CLIP1: variants seen among roughly 807,000 people sequenced by gnomAD.
The protein encoded by CLIP1 is CAP-Gly domain containing linker protein 1, also known as CAP-Gly domain-containing linker protein 1.
A neutral mutation model predicts 161.6 loss-of-function variants in CLIP1; 66 were observed. The ratio of observed to expected loss-of-function variants is 0.41; its 90% CI spans 0.33 to 0.50. The LOEUF (loss-of-function observed/expected upper bound fraction) is 0.50. Ranked by LOEUF, CLIP1 falls within the 20% of genes least tolerant of loss-of-function variation. The probability of loss-of-function intolerance (pLI) is 0.27; values close to 1 mark genes in which losing one functional copy is unlikely to be tolerated. For synonymous variants in CLIP1, 598 were observed against 626.2 expected (o/e 0.96, Z 0.67); for missense variants, 1,376 against 1,702.0 (o/e 0.81, Z 3.37).
At chr12:122,376,911 G>C (rs944574163) in intron 3 of CLIP1, among the ~76,000 whole-genome samples, 1 of 151,972 alleles carries the variant, frequency 6.6e-6, no homozygotes, top group Non-Finnish European at 1.5e-5. Flanking sequence ...TTGTTGCGTA[G>C]TTACCCATAA....
intron 1 of CLIP1, among the ~76,000 whole-genome samples, chr12:122,397,553 CAAAAAAAAAAAAAAA>C (rs35589479): frequency 1.3e-4 from 9 of 66,858 alleles, no homozygotes; most frequent in Non-Finnish European, 1.8e-4. Flanking sequence ...ACTCCATCTC[CAAAAAAAAAAAAAAA>C]AAAAAAAAAA....
Position 122,319,238 on chromosome 12 carries a change from C to G in CLIP1, c.3360G>C (p.Gln1120His). Residue 1120 changes from glutamine to histidine, a missense_variant, in exon 18 of 26, where the codon CAG (glutamine) becomes CAC (histidine). Physicochemically the swap from Gln to His is conservative, Grantham distance 24. Coordinates refer to ENST00000620786, the MANE Select transcript of CLIP1 (RefSeq NM_001247997.2). ...GCTATTTAAATCTGATTACTTCATT[C>G]TGTAGTTTTGCATTTGTTTGCTTGG... ...EDTKQTNAKL[Q>H]NELDTLKENN... 1.9e-6 allele frequency: 3 copies of G among 1,599,872 alleles called. No homozygotes were observed. Among genetic ancestry groups the G allele is most frequent in the Non-Finnish European group, 2.6e-6 (3 of 1,166,998 alleles).
chr12:122,357,512 G>T (rs1232766627), intron 5 of CLIP1, among the ~76,000 whole-genome samples: 1 of 151,204 alleles, frequency 6.6e-6, no homozygotes, highest in African/African-American at 2.4e-5. Flanking sequence ...GAGGTGGGGG[G>T]GGTCAGCCCG....
intron 20 of CLIP1, among the ~76,000 whole-genome samples, chr12:122,299,633 G>A (rs1471657504): frequency 0.017 from 904 of 53,554 alleles, 2 homozygotes; most frequent in East Asian, 0.05. Context: ...AAAAAAAAAA[G>A]ATGCCGGGCG....
At chr12:122,300,396 A>T (rs1277837876) in intron 20 of CLIP1, among the ~76,000 whole-genome samples, 1 of 152,226 alleles carries the variant, frequency 6.6e-6, no homozygotes, top group Non-Finnish European at 1.5e-5. Flanking sequence ...CAGGAGAGAG[A>T]ATAAATCGAA....
intron 1 of CLIP1, among the ~76,000 whole-genome samples, chr12:122,389,873 G>C (rs1385739503): frequency 6.6e-6 from 1 of 150,910 alleles, no homozygotes; most frequent in Non-Finnish European, 1.5e-5. Flanking sequence ...GTGCTGGAGG[G>C]GGGGCCCGGT....
At chr12:122,363,059 A>G (rs1454476272) in intron 4 of CLIP1, among the ~76,000 whole-genome samples, 1 of 152,220 alleles carries the variant, frequency 6.6e-6, no homozygotes, top group Non-Finnish European at 1.5e-5. Context: ...TTTAATAATC[A>G]AGTGATGCAT....
chr12:122,284,413 C>T (rs1391033004), intron 21 of CLIP1, among the ~76,000 whole-genome samples: 7 of 151,082 alleles, frequency 4.6e-5, no homozygotes, highest in East Asian at 1.9e-4. Context: ...AGTGCAATGG[C>T]GCGATCTCGG....
chr12:122,375,991 T>C (rs919336050), intron 3 of CLIP1, among the ~76,000 whole-genome samples: 1 of 151,944 alleles, frequency 6.6e-6, no homozygotes, highest in Non-Finnish European at 1.5e-5. Flanking sequence ...CAGGCTGGAG[T>C]GTAGTGACGC....
chr12:122,379,086 C>G (rs1314814281), intron 2 of CLIP1, among the ~76,000 whole-genome samples: 1 of 151,932 alleles, frequency 6.6e-6, no homozygotes, highest in Non-Finnish European at 1.5e-5. Context: ...AATCATGTCA[C>G]TGCACTCTTG....
intron 3 of CLIP1, 148 bp from the exon 4 acceptor site, chr12:122,364,255 T>C: frequency 1.1e-6 from 1 of 945,402 alleles, no homozygotes; most frequent in Non-Finnish European, 1.6e-6. Flanking sequence ...AAGAGTTCTC[T>C]TGAAGGAAGT....
chr12:122,327,943 G>A lies in CLIP1; in HGVS notation c.3249+4C>T, dbSNP rs768398622. ...ACACAAGGAAATTCTCTCGCGTCAC[G>A]TACTTTGGCTTTGTCGGCTTGCTTT... On this transcript the variant is annotated splice_donor_region_variant and intron_variant, in intron 17 of 25. Coordinates refer to ENST00000620786, the MANE Select transcript of CLIP1 (RefSeq NM_001247997.2). 3.3e-5 allele frequency: 54 copies of A among 1,613,192 alleles called. No homozygotes were observed. Among genetic ancestry groups the A allele is most frequent in the South Asian group, 2.3e-4 (21 of 91,072 alleles).
At chr12:122,296,882 A>AAT (rs1491056313) in intron 20 of CLIP1, among the ~76,000 whole-genome samples, 1 of 150,138 alleles carries the variant, frequency 6.7e-6, no homozygotes, top group African/African-American at 2.5e-5. Flanking sequence ...AAAAAAAAAA[A>AAT]ACATGCAGGG....
chr12:122,285,390 C>G (rs1452665999), intron 21 of CLIP1, among the ~76,000 whole-genome samples: 2 of 152,132 alleles, frequency 1.3e-5, no homozygotes, highest in East Asian at 3.9e-4. Flanking sequence ...CCATGCCCAG[C>G]TAATTTTTGT....
intron 10 of CLIP1, among the ~76,000 whole-genome samples, chr12:122,344,951 T>C (rs1160108138): frequency 6.6e-6 from 1 of 151,768 alleles, no homozygotes; most frequent in Non-Finnish European, 1.5e-5. Context: ...ACTGAAATAC[T>C]TGGATAAACC....
At chr12:122,337,526 C>A (rs1280301388) in intron 11 of CLIP1, among the ~76,000 whole-genome samples, 2 of 151,944 alleles carry the variant, frequency 1.3e-5, no homozygotes, top group Non-Finnish European at 2.9e-5. Flanking sequence ...TAGACCCAAG[C>A]AATCCTCTTA....
chr12:122,351,068 T>C (rs747942102), intron 9 of CLIP1, 43 bp downstream of exon 9: 2 of 1,436,484 alleles, frequency 1.4e-6, no homozygotes, highest in African/African-American at 2.8e-5. Flanking sequence ...TGATCAATCT[T>C]TGTTAACAAG....
At chr12:122,285,638 CTTT>C (rs35808337) in intron 21 of CLIP1, among the ~76,000 whole-genome samples, 4 of 136,094 alleles carry the variant, frequency 2.9e-5, no homozygotes, top group Admixed American at 7.4e-5. Flanking sequence ...CGCACCCGAC[CTTT>C]TTTTTTTTTT....
At chr12:122,361,862 C>T (rs115664990) in intron 4 of CLIP1, among the ~76,000 whole-genome samples, 2,433 of 152,098 alleles carry the variant, frequency 0.016, 55 homozygotes, top group African/African-American at 0.051. Flanking sequence ...AAGTGATGGG[C>T]GCACCAAAAT....
Sources: allele counts gnomAD v4.1 joint callset (sites outside exome capture counted in the v4.1 genomes callset), GRCh38; gene constraint gnomAD v4.1.1; transcripts MANE v1.5; gene names NCBI Gene and HGNC (gene_info 2026-07-23, HGNC 2026-07-21).